The following TBL1X variants were observed in gnomAD, a reference collection of about 807,000 sequenced individuals.
TBL1X encodes the protein transducin beta like 1 X-linked.
TBL1X carries 10 observed loss-of-function variants against 50.7 expected under a neutral mutation model. The observed-to-expected ratio is 0.20, with a 90% CI of 0.12 to 0.33. The LOEUF (loss-of-function observed/expected upper bound fraction) is 0.33. Among genes scored for constraint, TBL1X ranks in the 10% least tolerant of loss-of-function variants. TBL1X has a pLI of 1.00. For synonymous variants in TBL1X, 190 were observed against 214.7 expected (o/e 0.88, Z 1.01); for missense variants, 340 against 504.4 (o/e 0.67, Z 3.12).
intron 2 of TBL1X, among the ~76,000 whole-genome samples, chrX:9,594,657 C>A (rs760678291): frequency 8.9e-6 from 1 of 112,062 alleles, no homozygotes; most frequent in African/African-American, 3.2e-5. Context: ...CACAAGGGAT[C>A]ATTGCATTGC....
intron 2 of TBL1X, among the ~76,000 whole-genome samples, chrX:9,587,747 G>C (rs2082477943): frequency 9.0e-6 from 1 of 111,157 alleles, no homozygotes. Context: ...GCCCAGTTTA[G>C]AACATTTTCA....
intron 5 of TBL1X, among the ~76,000 whole-genome samples, chrX:9,656,880 C>T (rs143184765): frequency 0.024 from 2,741 of 112,060 alleles, 93 homozygotes; most frequent in African/African-American, 0.085. Flanking sequence ...TCATTGAGCC[C>T]CCATCAAGAA....
chrX:9,681,463 A>T (rs1219836916), intron 5 of TBL1X, among the ~76,000 whole-genome samples: 5 of 112,442 alleles, frequency 4.4e-5, no homozygotes, highest in African/African-American at 9.7e-5. Context: ...ACCAACTCCA[A>T]ACAGCTGCTA....
Position 9,691,728 on chromosome X carries a change from G to GC in TBL1X, c.749+17_749+18insC, listed in dbSNP as rs753778396. ...AGCCTCCGGGTAAGGATGTCAGGGT[G>GC]GGGGGCGCTCCAGAGTTGGGGAGAT... is the stretch of plus-strand genomic sequence containing the variant. On this transcript the variant is annotated intron_variant, in intron 8 of 17. Coordinates refer to ENST00000645353, the MANE Select transcript of TBL1X (RefSeq NM_005647.4). The GC allele has an allele frequency of 1.6e-5, 18 of 1,139,895 alleles. No homozygotes were observed. The highest frequency in any genetic ancestry group is 2.4e-4 in the Middle Eastern group (1 of 4,186). The allele number at this position is 1,139,895 out of a possible 1,213,427, so 93.9% of individuals were successfully genotyped here. A position where few individuals can be genotyped will look rare whatever the true frequency, so the allele number is the denominator to read the frequency against.
intron 2 of TBL1X, among the ~76,000 whole-genome samples, chrX:9,512,005 C>G (rs978764641): frequency 9.0e-6 from 1 of 111,525 alleles, no homozygotes; most frequent in Non-Finnish European, 1.9e-5. Context: ...GGATTACAGA[C>G]ACATGCCACC....
chrX:9,665,489 C>CTATATATATATATATATATATATATA (rs56756151), intron 5 of TBL1X, among the ~76,000 whole-genome samples: 1 of 19,806 alleles, frequency 5.0e-5, no homozygotes, highest in Non-Finnish European at 8.3e-5. Flanking sequence ...GATATTCAAG[C>CTATATATATATATATATATATATATA]TATATATATA....
intron 2 of TBL1X, among the ~76,000 whole-genome samples, chrX:9,602,325 T>C (rs1423249433): frequency 1.8e-5 from 2 of 110,116 alleles, no homozygotes; most frequent in Non-Finnish European, 3.8e-5. Context: ...ATCCTGGCTG[T>C]GTCTTCCAAG....
At chrX:9,552,206 A>G (rs2082274253) in intron 2 of TBL1X, among the ~76,000 whole-genome samples, 1 of 110,955 alleles carries the variant, frequency 9.0e-6, no homozygotes, top group African/African-American at 3.3e-5. Context: ...TTGGGAATTG[A>G]GGTGGCCGCG....
chrX:9,691,498 G>T, intron 7 of TBL1X, 81 bp from the exon 8 acceptor site: 168 of 830,777 alleles, frequency 2.0e-4, no homozygotes, highest in Non-Finnish European at 2.5e-4. Context: ...TAAAAAAAAT[G>T]TTTCTGGAAA....
chrX:9,656,917 C>T (rs2082868075), intron 5 of TBL1X, among the ~76,000 whole-genome samples: 1 of 112,276 alleles, frequency 8.9e-6, no homozygotes, highest in African/African-American at 3.2e-5. Flanking sequence ...CTATCGCTGT[C>T]TCCCTTCTAC....
At chrX:9,677,641 G>A (rs1278908652) in intron 5 of TBL1X, among the ~76,000 whole-genome samples, 2 of 110,937 alleles carry the variant, frequency 1.8e-5, no homozygotes, top group African/African-American at 3.3e-5. Flanking sequence ...TCAGCTTCTC[G>A]GTCCCTGTGT....
chrX:9,498,566 A>G (rs1411030222), intron 1 of TBL1X, among the ~76,000 whole-genome samples: 1 of 112,679 alleles, frequency 8.9e-6, no homozygotes, highest in African/African-American at 3.2e-5. Flanking sequence ...GAGCTGGGCC[A>G]GGGCTCCCAG....
At chrX:9,626,503 G>A (rs773097797) in intron 2 of TBL1X, among the ~76,000 whole-genome samples, 2 of 112,075 alleles carry the variant, frequency 1.8e-5, no homozygotes, top group South Asian at 3.7e-4. Context: ...GTTTACAGAG[G>A]TCAGTAGTAC....
chrX:9,581,327 T>G (rs1016148815), intron 2 of TBL1X, among the ~76,000 whole-genome samples: 1 of 112,010 alleles, frequency 8.9e-6, no homozygotes, highest in Admixed American at 9.5e-5. Flanking sequence ...GTGGATGGTT[T>G]GTTTTACCAT....
intron 2 of TBL1X, among the ~76,000 whole-genome samples, chrX:9,516,402 C>A (rs1269658781): frequency 5.4e-5 from 6 of 111,848 alleles, no homozygotes; most frequent in African/African-American, 2.0e-4. Flanking sequence ...GGGGAGTACA[C>A]ATACTGGAGG....
At chrX:9,571,239 T>C (rs1256171649) in intron 2 of TBL1X, among the ~76,000 whole-genome samples, 5 of 111,465 alleles carry the variant, frequency 4.5e-5, no homozygotes, top group African/African-American at 1.3e-4. Flanking sequence ...AGCGTCTGTG[T>C]ATGGGTGGGG....
chrX:9,479,118 C>G (rs1478002285), intron 1 of TBL1X, among the ~76,000 whole-genome samples: 1 of 113,130 alleles, frequency 8.8e-6, no homozygotes, highest in African/African-American at 3.2e-5. Context: ...TCCTGTCTTT[C>G]TGTGTATTCT....
chrX:9,660,155 C>T (rs1291107085), intron 5 of TBL1X, among the ~76,000 whole-genome samples: 1 of 112,912 alleles, frequency 8.9e-6, no homozygotes, highest in Non-Finnish European at 1.9e-5. Flanking sequence ...GCCACGAAAG[C>T]TCTCTGTGCA....
intron 1 of TBL1X, among the ~76,000 whole-genome samples, chrX:9,476,226 A>T (rs1013805023): frequency 8.9e-6 from 1 of 112,284 alleles, no homozygotes; most frequent in African/African-American, 3.2e-5. Flanking sequence ...TAAGAAATTT[A>T]GTTGTAATGA....
Sources: gnomAD v4.1 joint callset for allele counts (sites outside exome capture counted in the v4.1 genomes callset) on GRCh38, gnomAD v4.1.1 for gene constraint, MANE v1.5 for transcripts, NCBI Gene and HGNC (gene_info 2026-07-23, HGNC 2026-07-21) for gene names.